PDZRN4: variants seen among roughly 807,000 people sequenced by gnomAD.
PDZRN4 encodes PDZ domain containing ring finger 4, also known as PDZ domain-containing RING finger protein 4.
Under a neutral mutation model 99.0 loss-of-function variants are expected in PDZRN4, and 70 were observed. The observed-to-expected ratio is 0.71, with a 90% CI of 0.58 to 0.86. The LOEUF (loss-of-function observed/expected upper bound fraction) is 0.86, where lower values mean the gene tolerates loss of function less well. Among genes scored for constraint, PDZRN4 ranks in the 40% least tolerant of loss-of-function variants. The pLI is 0.00. For missense variants in PDZRN4, 1,474 were observed against 1,331.2 expected, an observed-to-expected ratio of 1.11 and a Z score of -1.67; for synonymous variants, 551 against 501.6, an observed-to-expected ratio of 1.10 and a Z score of -1.32.
intron 7 of PDZRN4, among the ~76,000 whole-genome samples, chr12:41,559,202 C>T (rs1939223152): frequency 1.3e-5 from 2 of 151,798 alleles, no homozygotes; most frequent in Admixed American, 1.3e-4. Flanking sequence ...CACACACACA[C>T]ACACGTGCTG....
intron 3 of PDZRN4, among the ~76,000 whole-genome samples, chr12:41,417,721 C>T (rs920994959): frequency 1.3e-5 from 2 of 152,154 alleles, no homozygotes; most frequent in Non-Finnish European, 2.9e-5. Context: ...TTTGCATTCT[C>T]AGATAGGTGA....
chr12:41,363,520 A>G (rs552861372), intron 3 of PDZRN4, among the ~76,000 whole-genome samples: 2 of 152,114 alleles, frequency 1.3e-5, no homozygotes, highest in African/African-American at 4.8e-5. Flanking sequence ...TCAGGATGTA[A>G]CTGTTTGGGA....
intron 3 of PDZRN4, among the ~76,000 whole-genome samples, chr12:41,210,949 A>G (rs1163551906): frequency 2.6e-5 from 4 of 152,016 alleles, no homozygotes; most frequent in Non-Finnish European, 5.9e-5. Context: ...TTAATTATTT[A>G]TAGCTCTTCT....
chr12:41,283,127 T>A (rs2405905), intron 3 of PDZRN4, among the ~76,000 whole-genome samples: 106,087 of 151,618 alleles, frequency 0.7, 38,083 homozygotes, highest in East Asian at 0.86. Flanking sequence ...CCAGACTAAT[T>A]AAGAAGAAAA....
chr12:41,221,350 A>T (rs942202354), intron 3 of PDZRN4, among the ~76,000 whole-genome samples: 2 of 152,198 alleles, frequency 1.3e-5, no homozygotes, highest in African/African-American at 4.8e-5. Context: ...AATATATTGC[A>T]TCAACTTATA....
At chr12:41,451,649 G>C (rs906078156) in intron 3 of PDZRN4, among the ~76,000 whole-genome samples, 1 of 152,096 alleles carries the variant, frequency 6.6e-6, no homozygotes, top group Admixed American at 6.6e-5. Context: ...TTGCCTTCTC[G>C]CAATTTCTAA....
chr12:41,284,668 C>G (rs1951411074), intron 3 of PDZRN4, among the ~76,000 whole-genome samples: 2 of 152,092 alleles, frequency 1.3e-5, no homozygotes, highest in Admixed American at 6.6e-5. Context: ...ATATATAGAC[C>G]AATGACACAG....
intron 3 of PDZRN4, among the ~76,000 whole-genome samples, chr12:41,301,956 T>G (rs1951539007): frequency 6.6e-6 from 1 of 152,126 alleles, no homozygotes; most frequent in Non-Finnish European, 1.5e-5. Flanking sequence ...TTATATGAGA[T>G]AAAGCATTTT....
chr12:41,561,571 T>A (rs1939270285), intron 7 of PDZRN4, among the ~76,000 whole-genome samples: 1 of 143,606 alleles, frequency 7.0e-6, no homozygotes, highest in Admixed American at 7.2e-5. Context: ...TATATATTTT[T>A]TATATATATT....
intron 3 of PDZRN4, among the ~76,000 whole-genome samples, chr12:41,272,817 C>T (rs1472498668): frequency 1.3e-5 from 2 of 151,920 alleles, no homozygotes; most frequent in Non-Finnish European, 2.9e-5. Flanking sequence ...TTTGTGGCAT[C>T]GAATTGTCAA....
At chr12:41,325,042 G>A (rs961001118) in intron 3 of PDZRN4, among the ~76,000 whole-genome samples, 1 of 152,056 alleles carries the variant, frequency 6.6e-6, no homozygotes, top group African/African-American at 2.4e-5. Flanking sequence ...AATTAATATA[G>A]TAGAGCAAAT....
At chr12:41,233,552 C>A (rs1024163109) in intron 3 of PDZRN4, among the ~76,000 whole-genome samples, 1 of 151,980 alleles carries the variant, frequency 6.6e-6, no homozygotes, top group East Asian at 1.9e-4. Flanking sequence ...TGTCCAACAA[C>A]GATAGACTGG....
rs991404894 is a variant in PDZRN4 at position 41,266,020 on chromosome 12, G to C, written c.843+71832G>C. 7.2e-5 allele frequency among the ~76,000 whole-genome samples: 5 copies of C among 69,220 alleles called. 1 individual carries two copies. The highest frequency in any genetic ancestry group is 2.2e-4 in the African/African-American group (5 of 22,666). 45.4% of individuals were successfully genotyped at this position (69,220 alleles called of 152,430 possible). On this transcript the variant is annotated intron_variant, in intron 3 of 9. Transcript: ENST00000402685. Reference sequence around the variant, plus strand: ...TGTTGCTTCGTTCATGTCTTAAAATGAGATATTAAGGCCGGGCGCGGTGGC... The same window carrying C: ...TGTTGCTTCGTTCATGTCTTAAAATCAGATATTAAGGCCGGGCGCGGTGGC...
intron 3 of PDZRN4, among the ~76,000 whole-genome samples, chr12:41,312,651 A>G (rs549018629): frequency 6.6e-6 from 1 of 151,934 alleles, no homozygotes; most frequent in African/African-American, 2.4e-5. Flanking sequence ...GTGCAGGGGA[A>G]CTCCCCTTTA....
At chr12:41,326,351 C>T (rs1766324684) in intron 3 of PDZRN4, among the ~76,000 whole-genome samples, 1 of 152,130 alleles carries the variant, frequency 6.6e-6, no homozygotes, top group African/African-American at 2.4e-5. Context: ...TTTACCTAAC[C>T]ATATTGCAGC....
At chr12:41,382,591 T>G (rs1952135513) in intron 3 of PDZRN4, among the ~76,000 whole-genome samples, 1 of 152,214 alleles carries the variant, frequency 6.6e-6, no homozygotes, top group Admixed American at 6.5e-5. Context: ...TCTCAGGGAA[T>G]AAGTTACTTG....
chr12:41,535,107 T>G (rs1183000355), intron 5 of PDZRN4, among the ~76,000 whole-genome samples: 2 of 152,242 alleles, frequency 1.3e-5, no homozygotes, highest in Non-Finnish European at 2.9e-5. Flanking sequence ...TTAGTTATTT[T>G]TATACTAACT....
chr12:41,210,167 A>G (rs1044547046), intron 3 of PDZRN4, among the ~76,000 whole-genome samples: 2 of 147,380 alleles, frequency 1.4e-5, no homozygotes, highest in Admixed American at 1.4e-4. Flanking sequence ...GTCTGTTCAT[A>G]TCCTTCACCC....
At chr12:41,525,678 A>G (rs921946901) in intron 5 of PDZRN4, among the ~76,000 whole-genome samples, 2 of 152,220 alleles carry the variant, frequency 1.3e-5, no homozygotes, top group South Asian at 4.1e-4. Flanking sequence ...TTCATCACCT[A>G]TAGTAGAGAA....
Sources: allele counts gnomAD v4.1 joint callset (sites outside exome capture counted in the v4.1 genomes callset), GRCh38; gene constraint gnomAD v4.1.1; transcripts MANE v1.5; gene names NCBI Gene and HGNC (gene_info 2026-07-23, HGNC 2026-07-21).